Variants in NXPE4 observed in about 807,000 individuals in gnomAD.
NXPE4 encodes the protein NXPE family member 4.
Under a neutral mutation model 33.3 loss-of-function variants are expected in NXPE4, and 42 were observed. The observed-to-expected ratio is 1.26, with a 90% confidence interval of 0.98 to 1.63. NXPE4 has a LOEUF of 1.63. Ranked by LOEUF, NXPE4 falls within the 40% of genes most tolerant of loss-of-function variation. The pLI, the probability that NXPE4 is intolerant of heterozygous loss-of-function variation, is 0.00. For synonymous variants in NXPE4, 253 were observed against 234.9 expected, an observed-to-expected ratio of 1.08 and a Z score of -0.71; for missense variants, 709 against 647.6, an observed-to-expected ratio of 1.09 and a Z score of -1.03.
At chr11:114,669,491 C>T in the NXPE4 span, among the ~76,000 whole-genome samples, 1 of 152,142 alleles carries the variant, frequency 6.6e-6, no homozygotes, top group Non-Finnish European at 1.5e-5. Context: ...TTCTATTCTA[C>T]CCAAGAATGG....
At chr11:114,663,657 A>AG in the NXPE4 span, among the ~76,000 whole-genome samples, 4 of 144,572 alleles carry the variant, frequency 2.8e-5, no homozygotes, top group African/African-American at 1.0e-4. Context: ...TCTATCATCT[A>AG]TTTATCTATC....
chr11:114,631,162 C>T, the NXPE4 span, among the ~76,000 whole-genome samples: 1 of 152,000 alleles, frequency 6.6e-6, no homozygotes, highest in Non-Finnish European at 1.5e-5. Context: ...ACCCAGCCAT[C>T]CCATTACTGG....
the NXPE4 span, among the ~76,000 whole-genome samples, chr11:114,631,261 T>G: frequency 1.3e-5 from 2 of 151,804 alleles, no homozygotes; most frequent in Non-Finnish European, 2.9e-5. Flanking sequence ...TAGCAAAGAC[T>G]TGGAACCAAC....
At chr11:114,604,805 AC>A in the NXPE4 span, among the ~76,000 whole-genome samples, 1 of 151,992 alleles carries the variant, frequency 6.6e-6, no homozygotes, top group African/African-American at 2.4e-5. Flanking sequence ...CTCGCGGGTA[AC>A]CACTGTTACC....
the NXPE4 span, among the ~76,000 whole-genome samples, chr11:114,632,710 ATAT>A: frequency 2.7e-5 from 2 of 75,094 alleles, no homozygotes; most frequent in African/African-American, 5.3e-5. Context: ...ATATAATATA[ATAT>A]AATATATATA....
At chr11:114,674,072 G>C in the NXPE4 span, among the ~76,000 whole-genome samples, 1 of 149,348 alleles carries the variant, frequency 6.7e-6, no homozygotes, top group East Asian at 2.0e-4. Flanking sequence ...GCCTCCAGGG[G>C]CTGGTGGACA....
At chr11:114,577,086 C>CAT (rs200222353) in intron 5 of NXPE4, among the ~76,000 whole-genome samples, 7 of 119,004 alleles carry the variant, frequency 5.9e-5, no homozygotes, top group South Asian at 2.7e-4. Flanking sequence ...TATATATATA[C>CAT]ATATATATAT....
chr11:114,669,604 C>T, the NXPE4 span, among the ~76,000 whole-genome samples: 2 of 152,060 alleles, frequency 1.3e-5, no homozygotes, highest in East Asian at 3.9e-4. Context: ...CAATTATTCT[C>T]ACTTCAGCTC....
At chr11:114,614,123 G>A in the NXPE4 span, among the ~76,000 whole-genome samples, 1 of 151,808 alleles carries the variant, frequency 6.6e-6, no homozygotes, top group Admixed American at 6.6e-5. Flanking sequence ...GGTAACCAGT[G>A]TTACCTGCTG....
chr11:114,677,360 T>C, the NXPE4 span, among the ~76,000 whole-genome samples: 2 of 152,128 alleles, frequency 1.3e-5, no homozygotes, highest in African/African-American at 4.8e-5. Context: ...AATGTCTGCA[T>C]ACATCAAAAC....
At chr11:114,632,428 A>G in the NXPE4 span, among the ~76,000 whole-genome samples, 4 of 131,712 alleles carry the variant, frequency 3.0e-5, no homozygotes, top group African/African-American at 5.5e-5. Context: ...TAATATAAAT[A>G]TAAATATATA....
rs1220558429 is a variant in NXPE4 at position 114,583,825 on chromosome 11, C to T, written c.97-804G>A. ...TGGAAGAGGCCTTCTATATTACAGGCTAGGCCAGGACTGTGTCCTTTCATA... is the reference window on the plus strand; with the variant it reads ...TGGAAGAGGCCTTCTATATTACAGGTTAGGCCAGGACTGTGTCCTTTCATA... On this transcript the variant is annotated intron_variant, in intron 2 of 5. Transcript: ENST00000375478. 1.2e-5 allele frequency: 5 copies of T among 422,426 alleles called. No individual in the cohort carries two copies. In the Admixed American group the frequency reaches 1.5e-4, roughly 13 times the overall value. The allele number at this position is 422,426 out of a possible 1,614,324, so 26.2% of individuals were successfully genotyped here. A position where few individuals can be genotyped will look rare whatever the true frequency, so the allele number is the denominator to read the frequency against.
the NXPE4 span, among the ~76,000 whole-genome samples, chr11:114,625,398 A>T: frequency 2.0e-5 from 3 of 152,088 alleles, no homozygotes; most frequent in Non-Finnish European, 4.4e-5. Flanking sequence ...GTGGATAATA[A>T]GTATTGCCTC....
At chr11:114,590,138 C>A (rs192291122) in intron 2 of NXPE4, among the ~76,000 whole-genome samples, 1 of 152,230 alleles carries the variant, frequency 6.6e-6, no homozygotes, top group East Asian at 1.9e-4. Flanking sequence ...TGTCAAAGGA[C>A]CTCTCTGAGT....
the NXPE4 span, among the ~76,000 whole-genome samples, chr11:114,656,976 T>G: frequency 6.6e-6 from 1 of 152,000 alleles, no homozygotes; most frequent in Admixed American, 6.6e-5. Context: ...CACCTGTAGT[T>G]CCAGCTACTC....
intron 2 of NXPE4, 151 bp from the exon 3 acceptor site, chr11:114,583,172 A>G: frequency 1.2e-6 from 1 of 865,408 alleles, no homozygotes; most frequent in South Asian, 1.8e-5. Flanking sequence ...ACTATTATCA[A>G]TATTATTTAA....
At chr11:114,639,848 T>TATAATATATATTATATTAAATATAAA in the NXPE4 span, among the ~76,000 whole-genome samples, 1 of 102,310 alleles carries the variant, frequency 9.8e-6, no homozygotes, top group African/African-American at 4.1e-5. Context: ...AAATATAAAA[T>TATAATATATATTATATTAAATATAAA]ATAATATATA....
At chr11:114,638,145 C>T in the NXPE4 span, among the ~76,000 whole-genome samples, 39 of 151,824 alleles carry the variant, frequency 2.6e-4, no homozygotes, top group Non-Finnish European at 3.1e-4. Flanking sequence ...CCATATTTCT[C>T]GGAGGCTTTG....
chr11:114,638,215 C>A, the NXPE4 span, among the ~76,000 whole-genome samples: 1 of 151,966 alleles, frequency 6.6e-6, no homozygotes, highest in Admixed American at 6.6e-5. Context: ...TCATTCATTT[C>A]GTCTTTCATC....
Sources: allele counts gnomAD v4.1 joint callset (sites outside exome capture counted in the v4.1 genomes callset), GRCh38; gene constraint gnomAD v4.1.1; transcripts MANE v1.5; gene names NCBI Gene and HGNC (gene_info 2026-07-23, HGNC 2026-07-21).